AGTPBP1: variants seen among roughly 807,000 people sequenced by gnomAD.
AGTPBP1 encodes cytosolic carboxypeptidase 1.
AGTPBP1 carries 70 observed loss-of-function variants against 143.9 expected under a neutral mutation model. The observed-to-expected ratio is 0.49, with a 90% confidence interval of 0.40 to 0.59. The LOEUF (loss-of-function observed/expected upper bound fraction) is 0.59. AGTPBP1 is among the 20% of genes least tolerant of loss of function. AGTPBP1 has a pLI of 0.00. For missense variants in AGTPBP1, 1,229 were observed against 1,464.5 expected (o/e 0.84, Z 2.62); for synonymous variants, 463 against 500.2 (o/e 0.93, Z 0.99).
At chr9:85,645,289 C>G (rs539125325) in intron 12 of AGTPBP1, among the ~76,000 whole-genome samples, 47 of 152,214 alleles carry the variant, frequency 3.1e-4, no homozygotes, top group African/African-American at 1.1e-3. Context: ...CACTGATACC[C>G]CAGTGAATAG....
intron 18 of AGTPBP1, among the ~76,000 whole-genome samples, chr9:85,593,640 G>A (rs780157555): frequency 2.0e-5 from 3 of 152,024 alleles, no homozygotes; most frequent in Non-Finnish European, 4.4e-5. Flanking sequence ...GATAAAATAC[G>A]GTATCCGAAA....
At chr9:85,730,024 C>T (rs116064532) in intron 1 of AGTPBP1, among the ~76,000 whole-genome samples, 1,677 of 152,296 alleles carry the variant, frequency 0.011, 30 homozygotes, top group African/African-American at 0.037. Flanking sequence ...ATTACCAGAG[C>T]CTCCTGACCT....
chr9:85,770,528 A>G, the AGTPBP1 span: 3 of 1,045,104 alleles, frequency 2.9e-6, no homozygotes, highest in Admixed American at 3.7e-5. Flanking sequence ...TCTTATAAAG[A>G]TGGGTCAAGA....
intron 25 of AGTPBP1, among the ~76,000 whole-genome samples, chr9:85,560,222 A>G (rs536253328): frequency 9.9e-5 from 15 of 152,100 alleles, no homozygotes; most frequent in East Asian, 1.9e-4. Context: ...AAATCAAGGG[A>G]AAAAAAATGC....
In AGTPBP1 at chr9:85,642,024, CCTATAACCTCACAA is replaced by C. The variant is rs1449341817; in HGVS notation, c.1302+789_1302+802del. Among the ~76,000 whole-genome samples the C allele has an allele frequency of 6.6e-5, 10 of 152,054 alleles. No homozygotes were observed. The South Asian group carries it at 1.0e-3, about 16-fold the overall frequency. ...ACAAATATTTCTTTTTAATTTCTCA[CCTATAACCTCACAA>C]CTATAACCTCACAACAAAGTATTTT... On this transcript the variant is annotated intron_variant, in intron 13 of 25. Transcript: ENST00000357081.
chr9:85,600,640 C>T (rs1287447686), intron 17 of AGTPBP1, among the ~76,000 whole-genome samples: 9 of 152,092 alleles, frequency 5.9e-5, no homozygotes, highest in African/African-American at 1.9e-4. Flanking sequence ...CTCCTCCAAT[C>T]CTAGCCAGGG....
chr9:85,592,486 T>C, intron 19 of AGTPBP1, 74 bp downstream of exon 19: 1 of 1,039,752 alleles, frequency 9.6e-7, no homozygotes, highest in Non-Finnish European at 1.3e-6. Flanking sequence ...TATGTTAGAA[T>C]ATTTAACTAA....
At position 85,548,439 on chromosome 9, in the gene AGTPBP1, T is replaced by C. The variant is rs550478835; in HGVS notation, c.3504-1153A>G. On this transcript the variant is annotated intron_variant, in intron 25 of 25. Coordinates refer to ENST00000357081, the MANE Select transcript of AGTPBP1 (RefSeq NM_001330701.2). ...AAAATGCATTGCAAAACCACCTTGA[T>C]CTAATGTAGCAAACTTCCTCTTAAA... 1.9e-4 allele frequency among the ~76,000 whole-genome samples: 29 copies of C among 152,316 alleles called. No individual in the cohort carries two copies. In the South Asian group the frequency reaches 5.0e-3, roughly 26 times the overall value.
intron 8 of AGTPBP1, among the ~76,000 whole-genome samples, chr9:85,665,837 G>T (rs1451298258): frequency 1.3e-5 from 2 of 152,040 alleles, no homozygotes; most frequent in African/African-American, 2.4e-5. Flanking sequence ...GTCAAGTTTG[G>T]TGCAAAGTCA....
intron 7 of AGTPBP1, among the ~76,000 whole-genome samples, chr9:85,669,796 CA>C (rs35265103): frequency 0.48 from 60,237 of 126,264 alleles, 13,110 homozygotes; most frequent in African/African-American, 0.59. Flanking sequence ...GAGTTATATG[CA>C]AAAAAAAAAA....
At chr9:85,677,395 A>G (rs1270362753) in intron 6 of AGTPBP1, 41 bp downstream of exon 6, 2 of 1,558,780 alleles carry the variant, frequency 1.3e-6, no homozygotes, top group Non-Finnish European at 1.7e-6. Flanking sequence ...TGTTACAAAA[A>G]TAGTTCTAGA....
the AGTPBP1 span, among the ~76,000 whole-genome samples, chr9:85,799,375 A>G: frequency 6.6e-6 from 1 of 152,270 alleles, no homozygotes; most frequent in Admixed American, 6.5e-5. Context: ...CAAATGGTAT[A>G]TCTAGTTCTA....
At chr9:85,759,353 T>C in the AGTPBP1 span, among the ~76,000 whole-genome samples, 2 of 152,098 alleles carry the variant, frequency 1.3e-5, no homozygotes. Context: ...TATTCCAAAA[T>C]TGACCACATA....
rs6559873 is a variant in AGTPBP1 at position 85,567,261 on chromosome 9, T to C, written c.3503+8054A>G. ...GTGACTTTAAAAGTCTTTAGGGTCT[T>C]CAAAGAAGGAAAGAATAACGGCCAT... On this transcript the variant is annotated intron_variant, in intron 25 of 25. Coordinates refer to ENST00000357081, the MANE Select transcript of AGTPBP1 (RefSeq NM_001330701.2). Among the ~76,000 whole-genome samples, 1,317 of 152,226 alleles carry C rather than the reference T, an allele frequency of 8.7e-3. 28 individuals carry two copies. The highest frequency in any genetic ancestry group is 0.03 in the African/African-American group (1,238 of 41,536).
chr9:85,699,721 CT>C lies in AGTPBP1; in HGVS notation c.33-6909del, dbSNP rs1364250533. Reference sequence around the variant, plus strand: ...AATGCACCTTATCTTTCAGAAATTTCTGCTCAATTATAACTTTTATTCTGGC... The same window carrying C: ...AATGCACCTTATCTTTCAGAAATTTCGCTCAATTATAACTTTTATTCTGGC... On this transcript the variant is annotated intron_variant, in intron 2 of 25. Coordinates refer to ENST00000357081, the MANE Select transcript of AGTPBP1 (RefSeq NM_001330701.2). Among the ~76,000 whole-genome samples the C allele has an allele frequency of 7.9e-5, 12 of 152,084 alleles. No homozygotes were observed. The South Asian group carries it at 2.3e-3, about 29-fold the overall frequency.
At chr9:85,557,121 C>T (rs1008718879) in intron 25 of AGTPBP1, among the ~76,000 whole-genome samples, 3 of 152,146 alleles carry the variant, frequency 2.0e-5, no homozygotes, top group Non-Finnish European at 2.9e-5. Flanking sequence ...TCCCAAGAGG[C>T]TACCAAAAAT....
At chr9:85,612,083 G>A (rs537568866) in intron 17 of AGTPBP1, among the ~76,000 whole-genome samples, 34 of 152,268 alleles carry the variant, frequency 2.2e-4, no homozygotes, top group African/African-American at 7.7e-4. Context: ...AGCAATGGAG[G>A]TGCCAGAAAC....
chr9:85,782,227 A>G, the AGTPBP1 span, among the ~76,000 whole-genome samples: 1 of 152,182 alleles, frequency 6.6e-6, no homozygotes, highest in Non-Finnish European at 1.5e-5. Context: ...TAATAGAAGT[A>G]GAATTGGCTA....
chr9:85,630,166 G>A (rs1384141219), intron 14 of AGTPBP1, among the ~76,000 whole-genome samples: 1 of 152,212 alleles, frequency 6.6e-6, no homozygotes, highest in Non-Finnish European at 1.5e-5. Flanking sequence ...GTTGCTGCCT[G>A]ACTCTGACTC....
Sources: allele counts gnomAD v4.1 joint callset (sites outside exome capture counted in the v4.1 genomes callset), GRCh38; gene constraint gnomAD v4.1.1; transcripts MANE v1.5; gene names NCBI Gene and HGNC (gene_info 2026-07-23, HGNC 2026-07-21).